Variants in SCD5 observed in about 807,000 individuals in gnomAD.
SCD5 encodes the protein acyl-CoA-desaturase 4.
SCD5 carries 20 observed loss-of-function variants against 30.4 expected under a neutral mutation model. The ratio of observed to expected loss-of-function variants is 0.66; its 90% CI spans 0.46 to 0.96. The LOEUF is 0.96. SCD5 is among the 40% of genes least tolerant of loss of function. The pLI is 0.00. For synonymous variants in SCD5, 173 were observed against 176.4 expected, an observed-to-expected ratio of 0.98 and a Z score of 0.16; for missense variants, 381 against 443.3, an observed-to-expected ratio of 0.86 and a Z score of 1.26.
chr4:82,650,898 A>G (rs6851819), intron 3 of SCD5, among the ~76,000 whole-genome samples: 27,892 of 151,780 alleles, frequency 0.18, 2,741 homozygotes, highest in East Asian at 0.37. Context: ...AAATATATCA[A>G]TTCATTAAAA....
intron 2 of SCD5, among the ~76,000 whole-genome samples, chr4:82,694,342 A>G (rs1266294538): frequency 1.3e-5 from 2 of 152,166 alleles, no homozygotes; most frequent in Non-Finnish European, 2.9e-5. Context: ...CGGAGGGGCC[A>G]CTTCCCATGC....
At chr4:82,745,899 A>C (rs1720972786) in intron 1 of SCD5, among the ~76,000 whole-genome samples, 1 of 152,198 alleles carries the variant, frequency 6.6e-6, no homozygotes, top group South Asian at 2.1e-4. Flanking sequence ...ACTTTGCCAA[A>C]TACTGGCCAT....
rs201578709 is a variant in SCD5, at chr4:82,680,692, T to C, written c.569+15A>G. 4.3e-6 allele frequency: 7 copies of C among 1,613,558 alleles called. No individual in the cohort carries two copies. Among genetic ancestry groups the C allele is most frequent in the East Asian group, 2.2e-5 (1 of 44,890 alleles). ...GCCCCTGAGGGACAGCTCTCCGTCA[T>C]GCCCATTCACTTACTTTCTCTGGAT... On this transcript the variant is annotated intron_variant, in intron 3 of 4. Transcript: ENST00000319540.
At chr4:82,744,069 G>T (rs536839832) in intron 1 of SCD5, among the ~76,000 whole-genome samples, 1 of 151,892 alleles carries the variant, frequency 6.6e-6, no homozygotes, top group Non-Finnish European at 1.5e-5. Flanking sequence ...CAACAGATCC[G>T]CCTGCCTCAG....
At chr4:82,721,175 A>C (rs1720362857) in intron 1 of SCD5, among the ~76,000 whole-genome samples, 1 of 148,302 alleles carries the variant, frequency 6.7e-6, no homozygotes, top group Non-Finnish European at 1.5e-5. Flanking sequence ...CAAAAACAAA[A>C]ACAAACAAAC....
intron 1 of SCD5, among the ~76,000 whole-genome samples, chr4:82,770,112 G>T (rs1296346851): frequency 6.6e-6 from 1 of 151,998 alleles, no homozygotes; most frequent in African/African-American, 2.4e-5. Flanking sequence ...GTATACATGT[G>T]CCATGTTGGT....
chr4:82,641,253 CAAAAAAAAAAAAAA>C lies in SCD5; in HGVS notation c.570-4444_570-4431del, dbSNP rs10708492. On this transcript the variant is annotated intron_variant, in intron 3 of 4. Coordinates refer to ENST00000319540, the MANE Select transcript of SCD5 (RefSeq NM_001037582.3). ...TAGGCGAAGAAGCAAAACTCCATCT[CAAAAAAAAAAAAAA>C]AAAAAAAAAAAAAAGAAGGTGAATA... Among the ~76,000 whole-genome samples the C allele has an allele frequency of 1.9e-3, 99 of 52,228 alleles. 3 individuals are homozygous for C. In the East Asian group the frequency reaches 0.062, roughly 33 times the overall value. 34.3% of individuals were successfully genotyped at this position (52,228 alleles called of 152,430 possible).
intron 1 of SCD5, among the ~76,000 whole-genome samples, chr4:82,707,508 T>C (rs1719994055): frequency 6.6e-6 from 1 of 152,156 alleles, no homozygotes. Context: ...TATTAGTAAC[T>C]TGCTTCTAAC....
intron 4 of SCD5, 136 bp downstream of exon 4, chr4:82,636,455 A>G (rs1727432480): frequency 7.4e-6 from 5 of 673,150 alleles, no homozygotes; most frequent in Non-Finnish European, 9.7e-6. Flanking sequence ...TATCTCGGAA[A>G]AAAAAAAAAA....
chr4:82,726,585 C>T (rs1011173903), intron 1 of SCD5, among the ~76,000 whole-genome samples: 1 of 149,842 alleles, frequency 6.7e-6, no homozygotes, highest in African/African-American at 2.5e-5. Flanking sequence ...TAGAGACCTG[C>T]ACTAAGTAAT....
At chr4:82,797,253 C>G (rs1408554872) in intron 1 of SCD5, among the ~76,000 whole-genome samples, 3 of 152,202 alleles carry the variant, frequency 2.0e-5, no homozygotes, top group Non-Finnish European at 4.4e-5. Flanking sequence ...TTCTCCTGCC[C>G]GCCCCTAGAG....
Position 82,788,365 on chromosome 4 carries a change from C to T in SCD5, c.232+9941G>A, listed in dbSNP as rs188063007. Among the ~76,000 whole-genome samples the T allele has an allele frequency of 2.4e-3, 361 of 152,266 alleles. 1 individual carries two copies. Among genetic ancestry groups the T allele is most frequent in the Middle Eastern group, 0.01 (3 of 294 alleles). On this transcript the variant is annotated intron_variant, in intron 1 of 4. Transcript: ENST00000319540. ...TCCCAATGACTGGTTTACCAAGGGA[C>T]GCATGACACAATCCTACATGTGAGA...
chr4:82,728,977 T>C (rs1224364801), intron 1 of SCD5, among the ~76,000 whole-genome samples: 1 of 152,252 alleles, frequency 6.6e-6, no homozygotes, highest in Non-Finnish European at 1.5e-5. Flanking sequence ...GAAGATGTGA[T>C]TTCTGACCTC....
chr4:82,791,515 G>C (rs1431787318), intron 1 of SCD5, among the ~76,000 whole-genome samples: 1 of 152,196 alleles, frequency 6.6e-6, no homozygotes, highest in African/African-American at 2.4e-5. Flanking sequence ...CTCTCCAAAG[G>C]AGGAGCTGAA....
intron 1 of SCD5, among the ~76,000 whole-genome samples, chr4:82,723,207 C>CAATTT (rs1247033542): frequency 2.0e-5 from 3 of 151,942 alleles, no homozygotes; most frequent in African/African-American, 7.3e-5. Flanking sequence ...TTGGTCCTGG[C>CAATTT]AATTTTTGGC....
Position 82,741,013 on chromosome 4 carries a change from C to A in SCD5, c.233-35600G>T, listed in dbSNP as rs371286842. ...GCAGTGGTGCAATCACAGCTCACTGCAGCCTCTGCCTTCTAGGCCCCAGGC... is the reference window on the plus strand; with the variant it reads ...GCAGTGGTGCAATCACAGCTCACTGAAGCCTCTGCCTTCTAGGCCCCAGGC... On this transcript the variant is annotated intron_variant, in intron 1 of 4. Transcript: ENST00000319540. Among the ~76,000 whole-genome samples, 160 of 151,954 alleles carry A rather than the reference C, an allele frequency of 1.1e-3. 1 individual carries two copies. Among genetic ancestry groups the A allele is most frequent in the African/African-American group, 3.7e-3 (154 of 41,454 alleles).
chr4:82,636,452 G>GGA, intron 4 of SCD5, 139 bp downstream of exon 4: 2 of 551,246 alleles, frequency 3.6e-6, no homozygotes, highest in South Asian at 2.4e-5. Context: ...CTCTATCTCG[G>GGA]AAAAAAAAAA....
intron 2 of SCD5, among the ~76,000 whole-genome samples, chr4:82,681,230 C>T (rs970424769): frequency 6.6e-6 from 1 of 152,080 alleles, no homozygotes; most frequent in Non-Finnish European, 1.5e-5. Flanking sequence ...CTGAAGTCTC[C>T]TAGATCATTT....
intron 2 of SCD5, among the ~76,000 whole-genome samples, chr4:82,690,231 C>T (rs1728801987): frequency 6.6e-6 from 1 of 152,122 alleles, no homozygotes; most frequent in African/African-American, 2.4e-5. Flanking sequence ...CTATAACTTA[C>T]TCCCAAATGA....
Sources: allele counts gnomAD v4.1 joint callset (sites outside exome capture counted in the v4.1 genomes callset), GRCh38; gene constraint gnomAD v4.1.1; transcripts MANE v1.5; gene names NCBI Gene and HGNC (gene_info 2026-07-23, HGNC 2026-07-21).